Variants in KCNJ6 observed in about 807,000 individuals in gnomAD.
The protein encoded by KCNJ6 is G protein-activated inward rectifier potassium channel 2.
In KCNJ6, 9 loss-of-function variants were observed where a neutral mutation model predicts 34.2. The observed-to-expected ratio is 0.26, with a 90% confidence interval of 0.16 to 0.46. KCNJ6 has a LOEUF of 0.46. KCNJ6 is among the 20% of genes least tolerant of loss of function. The pLI, the probability that KCNJ6 is intolerant of heterozygous loss-of-function variation, is 1.00. For synonymous variants in KCNJ6, 196 were observed against 207.1 expected (o/e 0.95, Z 0.46); for missense variants, 236 against 531.3 (o/e 0.44, Z 5.46).
At chr21:37,671,712 G>A (rs1210495736) in intron 3 of KCNJ6, among the ~76,000 whole-genome samples, 1 of 152,230 alleles carries the variant, frequency 6.6e-6, no homozygotes, top group Non-Finnish European at 1.5e-5. Flanking sequence ...TGTCAGAGCT[G>A]AACTGAATTA....
chr21:37,633,804 A>T (rs1374786094), intron 3 of KCNJ6, among the ~76,000 whole-genome samples: 1 of 152,214 alleles, frequency 6.6e-6, no homozygotes, highest in Non-Finnish European at 1.5e-5. Flanking sequence ...ACAGTAAGGA[A>T]GATTTAAATA....
At chr21:37,671,743 A>T (rs561025411) in intron 3 of KCNJ6, among the ~76,000 whole-genome samples, 1 of 152,230 alleles carries the variant, frequency 6.6e-6, no homozygotes, top group Non-Finnish European at 1.5e-5. Context: ...AGGGGTGTCC[A>T]CTGGAGAATG....
At chr21:37,781,123 A>G (rs2055167409) in intron 2 of KCNJ6, among the ~76,000 whole-genome samples, 1 of 152,230 alleles carries the variant, frequency 6.6e-6, no homozygotes, top group Non-Finnish European at 1.5e-5. Flanking sequence ...CTAGAACAGC[A>G]GAATTCCCAT....
intron 3 of KCNJ6, among the ~76,000 whole-genome samples, chr21:37,653,406 C>T (rs969032142): frequency 2.0e-5 from 3 of 151,984 alleles, no homozygotes; most frequent in Non-Finnish European, 4.4e-5. Flanking sequence ...TGTGTGGTGG[C>T]AAGGGGTGCT....
intron 3 of KCNJ6, among the ~76,000 whole-genome samples, chr21:37,651,051 G>A (rs1158378282): frequency 6.6e-6 from 1 of 152,180 alleles, no homozygotes. Flanking sequence ...CGAGGCTAGG[G>A]AAATGAAAGA....
chr21:37,723,441 ATTC>A (rs1287316774), intron 2 of KCNJ6, among the ~76,000 whole-genome samples: 1 of 152,246 alleles, frequency 6.6e-6, no homozygotes, highest in African/African-American at 2.4e-5. Context: ...AGGAAAATAA[ATTC>A]TTCTACCAAG....
At position 37,758,173 on chromosome 21, in the gene KCNJ6, T is replaced by C. The variant is rs999224389; in HGVS notation, c.26-43042A>G. Among the ~76,000 whole-genome samples the C allele has an allele frequency of 1.1e-4, 17 of 150,996 alleles. No individual in the cohort carries two copies. In the Middle Eastern group the frequency reaches 0.01, roughly 91 times the overall value. ...ATGAATCCTTGAGCGATTAAGACAG[T>C]GGGAGTGACGGGGCAGAGTCACCAC... On this transcript the variant is annotated intron_variant, in intron 2 of 3. Coordinates refer to ENST00000609713, the MANE Select transcript of KCNJ6 (RefSeq NM_002240.5).
chr21:37,842,837 T>G (rs1313867507), intron 1 of KCNJ6, among the ~76,000 whole-genome samples: 1 of 152,226 alleles, frequency 6.6e-6, no homozygotes, highest in Non-Finnish European at 1.5e-5. Flanking sequence ...AGGGACTCAG[T>G]GAAGTTGGTC....
intron 3 of KCNJ6, among the ~76,000 whole-genome samples, chr21:37,674,633 ACCT>A (rs1255334730): frequency 7.3e-6 from 1 of 137,686 alleles, no homozygotes; most frequent in Non-Finnish European, 1.6e-5. Flanking sequence ...CAGGGCTCAC[ACCT>A]CCTCTCACCC....
chr21:37,678,359 G>A (rs529886114), intron 3 of KCNJ6, among the ~76,000 whole-genome samples: 8 of 152,344 alleles, frequency 5.3e-5, no homozygotes, highest in African/African-American at 1.9e-4. Flanking sequence ...GACAATAGGA[G>A]TTATCCATGA....
intron 3 of KCNJ6, among the ~76,000 whole-genome samples, chr21:37,652,469 T>C (rs10483038): frequency 0.26 from 40,235 of 152,094 alleles, 5,905 homozygotes; most frequent in Non-Finnish European, 0.32. Context: ...TGATGGAGAA[T>C]TGTGGAAGCG....
rs75003641 is a variant in KCNJ6 at position 37,688,785 on chromosome 21, C to A, written c.946+25426G>T. On this transcript the variant is annotated intron_variant, in intron 3 of 3. Transcript: ENST00000609713. ...GTTGGTTGGAACCCAGACTTAGGTG[C>A]CTAGTAAGTATTAATATTTTTCTCT... 6.7e-3 allele frequency among the ~76,000 whole-genome samples: 1,025 copies of A among 152,202 alleles called. 14 individuals are homozygous for A. The highest frequency in any genetic ancestry group is 0.024 in the African/African-American group (987 of 41,532).
At chr21:37,831,476 G>A (rs954051971) in intron 2 of KCNJ6, among the ~76,000 whole-genome samples, 1 of 152,198 alleles carries the variant, frequency 6.6e-6, no homozygotes, top group Non-Finnish European at 1.5e-5. Flanking sequence ...AATAACAAAA[G>A]AGAGGCTGAA....
At chr21:37,755,855 A>C (rs1171749265) in intron 2 of KCNJ6, among the ~76,000 whole-genome samples, 1 of 152,230 alleles carries the variant, frequency 6.6e-6, no homozygotes, top group Non-Finnish European at 1.5e-5. Flanking sequence ...CACATCTCAC[A>C]CTGCACCTTG....
intron 2 of KCNJ6, among the ~76,000 whole-genome samples, chr21:37,732,524 G>A (rs905597071): frequency 1.3e-5 from 2 of 152,216 alleles, no homozygotes; most frequent in African/African-American, 4.8e-5. Context: ...GAGGAACGGG[G>A]AAGCTATTTC....
chr21:37,828,955 A>G (rs577443624), intron 2 of KCNJ6, among the ~76,000 whole-genome samples: 2 of 152,300 alleles, frequency 1.3e-5, no homozygotes, highest in African/African-American at 4.8e-5. Flanking sequence ...ATTTGTTTGC[A>G]TGGCCATTTG....
chr21:37,879,001 C>T (rs6517441), intron 1 of KCNJ6, among the ~76,000 whole-genome samples: 215 of 152,264 alleles, frequency 1.4e-3, no homozygotes, highest in Non-Finnish European at 2.4e-3. Context: ...TCATCATTCA[C>T]GCCTGCATAT....
intron 1 of KCNJ6, among the ~76,000 whole-genome samples, chr21:37,858,119 C>T (rs990298823): frequency 6.6e-6 from 1 of 151,936 alleles, no homozygotes; most frequent in East Asian, 1.9e-4. Flanking sequence ...TGGCCAGGTA[C>T]GGTGGCTCAC....
intron 2 of KCNJ6, among the ~76,000 whole-genome samples, chr21:37,718,427 G>A (rs750796111): frequency 1.3e-5 from 2 of 152,202 alleles, no homozygotes; most frequent in Non-Finnish European, 2.9e-5. Flanking sequence ...TTGTGGGAAA[G>A]AGCAAAGACA....
Sources: gnomAD v4.1 joint callset for allele counts (sites outside exome capture counted in the v4.1 genomes callset) on GRCh38, gnomAD v4.1.1 for gene constraint, MANE v1.5 for transcripts, NCBI Gene and HGNC (gene_info 2026-07-23, HGNC 2026-07-21) for gene names.